SLC8A2: variants seen among roughly 807,000 people sequenced by gnomAD.
The protein encoded by SLC8A2 is solute carrier family 8 member A2, also known as sodium/calcium exchanger 2.
A neutral mutation model predicts 70.2 loss-of-function variants in SLC8A2; 14 were observed. The observed-to-expected ratio is 0.20, with a 90% CI of 0.13 to 0.31. The LOEUF is 0.31. SLC8A2 is among the 10% of genes least tolerant of loss of function. SLC8A2 has a pLI of 1.00. For synonymous variants in SLC8A2, 575 were observed against 594.3 expected, an observed-to-expected ratio of 0.97 and a Z score of 0.47; for missense variants, 779 against 1,320.1, an observed-to-expected ratio of 0.59 and a Z score of 6.35.
chr19:47,430,898 G>A lies in SLC8A2; in HGVS notation c.2390-433C>T, dbSNP rs941255454. On this transcript the variant is annotated intron_variant, in intron 9 of 9. Coordinates refer to ENST00000236877, the MANE Select transcript of SLC8A2 (RefSeq NM_015063.3). This position sits in a 1 kb window ranked among gnomAD's most constrained non-coding sequence, Gnocchi z 5.9. The stretch of plus-strand genomic sequence containing the variant: ...CCACCACGCCCTGCTAAGATTTTGT[G>A]TTTTTAGTAGAGACGGGGTTTCACC... 2.6e-5 allele frequency among the ~76,000 whole-genome samples: 4 copies of A among 151,992 alleles called. No homozygotes were observed. The highest frequency in any genetic ancestry group is 9.7e-5 in the African/African-American group (4 of 41,350).
rs778043302 is a variant in SLC8A2, at chr19:47,432,069, G to A, written c.2389+98C>T. 48 of 1,169,892 alleles carry A rather than the reference G, an allele frequency of 4.1e-5. No individual in the cohort carries two copies. Among genetic ancestry groups the A allele is most frequent in the African/African-American group, 7.7e-5 (5 of 64,796 alleles). 72.5% of individuals were successfully genotyped at this position (1,169,892 alleles called of 1,614,324 possible). Reference sequence around the variant, plus strand: ...TTTCTCTGAGACCCACCACATGGGCGCTGTGTGACTCCACCCACCTCATTT... The same window carrying A: ...TTTCTCTGAGACCCACCACATGGGCACTGTGTGACTCCACCCACCTCATTT... On this transcript the variant is annotated intron_variant, in intron 9 of 9. Transcript: ENST00000236877. This position sits in a 1 kb window ranked among gnomAD's most constrained non-coding sequence, Gnocchi z 6.2.
At chr19:47,449,249 A>C (rs983646639) in intron 3 of SLC8A2, among the ~76,000 whole-genome samples, 2 of 152,150 alleles carry the variant, frequency 1.3e-5, no homozygotes, top group African/African-American at 4.8e-5. Flanking sequence ...TGGAGGAGGT[A>C]ACATTTGAGC....
rs1967455843 is a variant in SLC8A2 at position 47,466,160 on chromosome 19, T to C, written c.244A>G (p.Met82Val). The C allele has an allele frequency of 6.2e-7, 1 of 1,614,208 alleles. No individual in the cohort carries two copies. The highest frequency in any genetic ancestry group is 8.5e-7 in the Non-Finnish European group (1 of 1,180,040). The change falls in exon 2 of 10, where the codon ATG (methionine) becomes GTG (valine). Residue 82 changes from methionine to valine, a missense_variant. Met to Val is a conservative substitution (Grantham distance 21, BLOSUM62 1). Transcript: ENST00000236877. This position sits in a 1 kb window ranked among gnomAD's most constrained non-coding sequence, Gnocchi z 6.9. ...AVVYFVAMVY[M>V]FLGVSIIADR... Reference sequence around the variant, plus strand: ...GCGATGATGGACACTCCCAGAAACATGTAGACCATGGCCACAAAGTACACC... The same window carrying C: ...GCGATGATGGACACTCCCAGAAACACGTAGACCATGGCCACAAAGTACACC...
At chr19:47,458,952 GTC>G (rs1040209352) in intron 2 of SLC8A2, among the ~76,000 whole-genome samples, 3 of 132,832 alleles carry the variant, frequency 2.3e-5, no homozygotes, top group African/African-American at 8.7e-5. Flanking sequence ...CGCCCCCTCT[GTC>G]TCTGTCTCTG....
Position 47,447,194 on chromosome 19 carries a change from A to C in SLC8A2, c.1763+615T>G, listed in dbSNP as rs964924249. ...CCGCCTTCTTCCGCAGCCCACATCC[A>C]TTTTCCCATTTCCTGATGTCGTATG... On this transcript the variant is annotated intron_variant, in intron 4 of 9. Transcript: ENST00000236877. This position sits in a 1 kb window ranked among gnomAD's most constrained non-coding sequence, Gnocchi z 5.1. Among the ~76,000 whole-genome samples the C allele has an allele frequency of 5.3e-5, 7 of 132,916 alleles. No homozygotes were observed. Among genetic ancestry groups the C allele is most frequent in the South Asian group, 2.4e-4 (1 of 4,180 alleles). The allele number at this position is 132,916 out of a possible 152,430, so 87.2% of individuals were successfully genotyped here. A position where few individuals can be genotyped will look rare whatever the true frequency, so the allele number is the denominator to read the frequency against.
Position 47,466,287 on chromosome 19 carries a change from G to A in SLC8A2, c.117C>T (p.Ser39=). 4 of 1,531,656 alleles carry A rather than the reference G, an allele frequency of 2.6e-6. No individual in the cohort carries two copies. Among genetic ancestry groups the A allele is most frequent in the Non-Finnish European group, 2.6e-6 (3 of 1,136,026 alleles). The allele number at this position is 1,531,656 out of a possible 1,614,324, so 94.9% of individuals were successfully genotyped here. A position where few individuals can be genotyped will look rare whatever the true frequency, so the allele number is the denominator to read the frequency against. ...GGTAGGACCCCTGGCAGCCCCCTGT[G>A]CTGGTGTCGCTGTCATTGGCCGGGG... ...PPPPANDSDT[S]TGGCQGSYRC... is the part of the protein sequence containing the mutation. Residue 39 remains serine (S), a synonymous_variant, in exon 2 of 10, where the codon AGC becomes AGT. Coordinates refer to ENST00000236877, the MANE Select transcript of SLC8A2 (RefSeq NM_015063.3). This position sits in a 1 kb window ranked among gnomAD's most constrained non-coding sequence, Gnocchi z 6.9.
chr19:47,434,123 G>A (rs893963779), intron 8 of SLC8A2, among the ~76,000 whole-genome samples: 2 of 152,248 alleles, frequency 1.3e-5, no homozygotes, highest in Non-Finnish European at 2.9e-5. Flanking sequence ...ACTGCTGAAC[G>A]CATCCCTAAC....
In SLC8A2 at chr19:47,466,482, C is replaced by T. The variant is rs1283256935; in HGVS notation, c.-16-63G>A. ...AAACCTCTTTCTGTCATACAAAGGT[C>T]AAAGCTCACTGGGGAAGGAGGGTTG... On this transcript the variant is annotated intron_variant, in intron 1 of 9. Coordinates refer to ENST00000236877, the MANE Select transcript of SLC8A2 (RefSeq NM_015063.3). The surrounding 1 kb of genome is among the most constrained non-coding windows in gnomAD (Gnocchi z 6.9). 1 of 623,686 alleles carries T rather than the reference C, an allele frequency of 1.6e-6. No individual in the cohort carries two copies. The highest frequency in any genetic ancestry group is 2.8e-6 in the Non-Finnish European group (1 of 362,912). The allele number at this position is 623,686 out of a possible 1,614,324, so 38.6% of individuals were successfully genotyped here.
intron 3 of SLC8A2, among the ~76,000 whole-genome samples, chr19:47,449,423 G>A (rs1599852193): frequency 6.6e-6 from 1 of 152,252 alleles, no homozygotes; most frequent in Non-Finnish European, 1.5e-5. Flanking sequence ...CCGGGTTCAA[G>A]GGATTCTCCC....
intron 6 of SLC8A2, 45 bp from the exon 7 acceptor site, chr19:47,438,018 A>G: frequency 6.2e-7 from 1 of 1,611,498 alleles, no homozygotes; most frequent in Non-Finnish European, 8.5e-7. Context: ...AGACCTACCT[A>G]ATTGGGCCTG....
chr19:47,434,361 C>T (rs545953028), intron 8 of SLC8A2, among the ~76,000 whole-genome samples: 65 of 152,306 alleles, frequency 4.3e-4, no homozygotes, highest in Middle Eastern at 3.4e-3. Context: ...CAGGGAGGCT[C>T]GTGGTTATGC....
Position 47,438,845 on chromosome 19 carries a change from C to G in SLC8A2, c.1886-872G>C, listed in dbSNP as rs183183463. ...CTCCAGATCTAACTCCAGTCCTACA[C>G]CTGACCTCAAACCTCAGTCCCAACT... On this transcript the variant is annotated intron_variant, in intron 6 of 9. Transcript: ENST00000236877. Among the ~76,000 whole-genome samples, 3 of 152,314 alleles carry G rather than the reference C, an allele frequency of 2.0e-5. No homozygotes were observed. In the East Asian group the frequency reaches 5.8e-4, roughly 29 times the overall value.
intron 3 of SLC8A2, among the ~76,000 whole-genome samples, chr19:47,449,477 A>G (rs2122632553): frequency 6.6e-6 from 1 of 152,114 alleles, no homozygotes; most frequent in South Asian, 2.1e-4. Context: ...GCCTGCCACC[A>G]TGCCTGGCTA....
chr19:47,463,102 A>G (rs1431018166), intron 2 of SLC8A2, among the ~76,000 whole-genome samples: 1 of 151,178 alleles, frequency 6.6e-6, no homozygotes, highest in Admixed American at 6.6e-5. Flanking sequence ...AAGCATTTCC[A>G]GGTGGAAATG....
At chr19:47,434,390 C>T (rs1381079269) in intron 8 of SLC8A2, among the ~76,000 whole-genome samples, 1 of 152,202 alleles carries the variant, frequency 6.6e-6, no homozygotes, top group Admixed American at 6.5e-5. Context: ...CTGAAGTCAC[C>T]TCTCTGGTGT....
Position 47,430,865 on chromosome 19 carries a change from AC to A in SLC8A2, c.2390-401del, listed in dbSNP as rs1489342258. On this transcript the variant is annotated intron_variant, in intron 9 of 9. Transcript: ENST00000236877. This position sits in a 1 kb window ranked among gnomAD's most constrained non-coding sequence, Gnocchi z 5.9. The stretch of plus-strand genomic sequence containing the variant: ...CCGGAGCCTCTGAGTAGCTGGGATT[AC>A]AGGCGCCCACCACGCCCTGCTAAGA... Among the ~76,000 whole-genome samples the A allele has an allele frequency of 1.3e-5, 2 of 151,724 alleles. No individual in the cohort carries two copies. Among genetic ancestry groups the A allele is most frequent in the East Asian group, 3.9e-4 (2 of 5,168 alleles).
chr19:47,447,746 C>T lies in SLC8A2; in HGVS notation c.1763+63G>A. The T allele has an allele frequency of 2.0e-6, 3 of 1,465,750 alleles. No individual in the cohort carries two copies. The highest frequency in any genetic ancestry group is 2.4e-5 in the Admixed American group (1 of 41,658). The allele number at this position is 1,465,750 out of a possible 1,614,324, so 90.8% of individuals were successfully genotyped here. On this transcript the variant is annotated intron_variant, in intron 4 of 9. Coordinates refer to ENST00000236877, the MANE Select transcript of SLC8A2 (RefSeq NM_015063.3). The surrounding 1 kb of genome is among the most constrained non-coding windows in gnomAD (Gnocchi z 5.1). ...GGCTCACCCAGGCCCCGCCCCTGAG[C>T]CACATCAGGCCTCGCCCATTCCGAA...
chr19:47,462,383 C>T (rs1430797991), intron 2 of SLC8A2, among the ~76,000 whole-genome samples: 3 of 150,424 alleles, frequency 2.0e-5, no homozygotes, highest in Non-Finnish European at 3.0e-5. Flanking sequence ...TCCTGCCTCA[C>T]GCTCCCGAGT....
intron 8 of SLC8A2, 110 bp downstream of exon 8, chr19:47,437,352 C>T (rs962815461): frequency 2.1e-5 from 17 of 802,078 alleles, no homozygotes; most frequent in Non-Finnish European, 3.1e-5. Flanking sequence ...CATGAGCCAC[C>T]GCGCCCGGCC....
Sources: gnomAD v4.1 joint callset for allele counts (sites outside exome capture counted in the v4.1 genomes callset) on GRCh38, gnomAD v4.1.1 for gene constraint, Gnocchi (gnomAD v3.1) non-coding constraint, MANE v1.5 for transcripts, NCBI Gene and HGNC (gene_info 2026-07-23, HGNC 2026-07-21) for gene names.